RGPD8: variants seen among roughly 807,000 people sequenced by gnomAD.
The protein encoded by RGPD8 is RANBP2-like and GRIP domain-containing protein 8.
RGPD8 carries 15 observed loss-of-function variants against 89.1 expected under a neutral mutation model. The observed-to-expected ratio is 0.17, with a 90% CI of 0.11 to 0.26. RGPD8 has a LOEUF of 0.26. Among genes scored for constraint, RGPD8 ranks in the 10% least tolerant of loss-of-function variants. The probability of loss-of-function intolerance (pLI) is 1.00; values close to 1 mark genes in which losing one functional copy is unlikely to be tolerated. For missense variants in RGPD8, 178 were observed against 1,179.6 expected, an observed-to-expected ratio of 0.15 and a Z score of 12.44; for synonymous variants, 62 against 420.9, an observed-to-expected ratio of 0.15 and a Z score of 10.44.
chr2:112,432,675 G>A (rs1680095463), intron 1 of RGPD8: 1 of 985,200 alleles, frequency 1.0e-6, no homozygotes, highest in Non-Finnish European at 1.2e-6. Flanking sequence ...TACAGCACCC[G>A]GGTGCCCAAG....
intron 7 of RGPD8, among the ~76,000 whole-genome samples, chr2:112,410,285 C>T (rs1298952881): frequency 6.9e-6 from 1 of 145,084 alleles, no homozygotes; most frequent in Non-Finnish European, 1.5e-5. Context: ...GAGACTCCAT[C>T]TCAAAAAAAA....
intron 22 of RGPD8, among the ~76,000 whole-genome samples, chr2:112,377,280 G>GTT (rs1189164529): frequency 1.9e-4 from 10 of 52,454 alleles, no homozygotes; most frequent in Non-Finnish European, 2.6e-4. Context: ...CTACATCATA[G>GTT]TTTTTTTTTT....
chr2:112,389,964 C>T lies in RGPD8; in HGVS notation c.2981G>A (p.Gly994Glu). The change falls in exon 20 of 23, where the codon GGA becomes GAA. Residue 994 changes from glycine to glutamate, a missense_variant. Transcript: ENST00000302558. ...TAATTTTTCTCCAGCACCTGAAAAT[C>T]CCTTGAAATTGAGGTCTTTTTTGCC... ...QFGKKDLNFK[G>E]FSGAGEKLFS... 9 of 1,540,726 alleles carry T rather than the reference C, an allele frequency of 5.8e-6. No individual in the cohort carries two copies. The highest frequency in any genetic ancestry group is 7.9e-6 in the Non-Finnish European group (9 of 1,143,006).
chr2:112,382,062 G>T (rs1678323621), intron 20 of RGPD8, among the ~76,000 whole-genome samples: 1 of 151,632 alleles, frequency 6.6e-6, no homozygotes, highest in South Asian at 2.1e-4. Context: ...ATATAAAGCA[G>T]GCAGAAAAAC....
At chr2:112,370,533 C>G (rs1677936094) in intron 22 of RGPD8, among the ~76,000 whole-genome samples, 1 of 127,766 alleles carries the variant, frequency 7.8e-6, no homozygotes, top group African/African-American at 2.8e-5. Context: ...ACCACCATGC[C>G]TGGGTAATTT....
chr2:112,374,868 T>TC (rs1553501052), intron 22 of RGPD8, among the ~76,000 whole-genome samples: 119 of 33,486 alleles, frequency 3.6e-3, no homozygotes, highest in Middle Eastern at 0.015. Flanking sequence ...CTTTTTTTTT[T>TC]TTTTTTTTTT....
chr2:112,432,646 A>C (rs1023358805), intron 1 of RGPD8: 1 of 985,160 alleles, frequency 1.0e-6, no homozygotes, highest in African/African-American at 1.7e-5. Flanking sequence ...TGTCCAGGAC[A>C]TGGGAAGAAA....
intron 6 of RGPD8, among the ~76,000 whole-genome samples, chr2:112,415,150 G>A (rs1252686776): frequency 8.6e-5 from 13 of 151,148 alleles, no homozygotes; most frequent in African/African-American, 2.5e-4. Context: ...TCGGGAGGCC[G>A]AGGAGGGCAG....
At chr2:112,408,932 A>C (rs1354449887) in intron 7 of RGPD8, among the ~76,000 whole-genome samples, 2 of 151,336 alleles carry the variant, frequency 1.3e-5, no homozygotes, top group Admixed American at 1.3e-4. Context: ...TCAGCCTCCC[A>C]AAGTGCTAAG....
chr2:112,432,270 A>T (rs376027442), intron 1 of RGPD8, among the ~76,000 whole-genome samples: 8 of 152,180 alleles, frequency 5.3e-5, no homozygotes, highest in African/African-American at 7.2e-5. Flanking sequence ...AAAATACCCT[A>T]AAAACACTTG....
intron 22 of RGPD8, among the ~76,000 whole-genome samples, chr2:112,370,858 C>T (rs1450107974): frequency 6.6e-6 from 1 of 151,716 alleles, no homozygotes; most frequent in Non-Finnish European, 1.5e-5. Flanking sequence ...GAAAATTATG[C>T]AGAAATGATT....
chr2:112,429,565 G>T (rs1164430615), intron 1 of RGPD8, among the ~76,000 whole-genome samples: 1 of 152,054 alleles, frequency 6.6e-6, no homozygotes, highest in African/African-American at 2.4e-5. Flanking sequence ...GCTGTCAAAG[G>T]TGCCTGCCTG....
At chr2:112,423,626 C>A (rs1679632205) in intron 2 of RGPD8, among the ~76,000 whole-genome samples, 1 of 142,610 alleles carries the variant, frequency 7.0e-6, no homozygotes, top group Non-Finnish European at 1.5e-5. Flanking sequence ...ATCGCTTGAG[C>A]CCAGAAGGCA....
chr2:112,370,413 C>T (rs1296700260), intron 22 of RGPD8, among the ~76,000 whole-genome samples: 1 of 113,142 alleles, frequency 8.8e-6, no homozygotes, highest in African/African-American at 3.3e-5. Context: ...TGCTCTGTCA[C>T]CCAGGCTCGA....
At chr2:112,410,232 G>T (rs1394514948) in intron 7 of RGPD8, among the ~76,000 whole-genome samples, 1 of 142,748 alleles carries the variant, frequency 7.0e-6, no homozygotes, top group African/African-American at 2.9e-5. Flanking sequence ...AGCTTGCAGT[G>T]AGCCGAGGTC....
chr2:112,415,539 C>A (rs1209717503), intron 6 of RGPD8, among the ~76,000 whole-genome samples: 2 of 150,860 alleles, frequency 1.3e-5, no homozygotes, highest in African/African-American at 4.9e-5. Flanking sequence ...GAGCCTCCCC[C>A]TCTGAGGGCC....
chr2:112,415,985 G>A (rs1297102597), intron 6 of RGPD8, among the ~76,000 whole-genome samples: 1 of 152,234 alleles, frequency 6.6e-6, no homozygotes, highest in Non-Finnish European at 1.5e-5. Context: ...AGCTACTTGG[G>A]AGGCTGAGGC....
At chr2:112,422,853 A>C (rs1679613683) in intron 2 of RGPD8, among the ~76,000 whole-genome samples, 194 bp from the exon 3 acceptor site, 1 of 25,162 alleles carries the variant, frequency 4.0e-5, no homozygotes, top group South Asian at 1.0e-3. Flanking sequence ...ACGTACATAG[A>C]GTTGACCACA....
intron 6 of RGPD8, among the ~76,000 whole-genome samples, chr2:112,413,203 C>T (rs1276392714): frequency 2.1e-5 from 3 of 144,084 alleles, no homozygotes; most frequent in Non-Finnish European, 4.5e-5. Context: ...TCACTGCAAC[C>T]TCCACCTCCC....
Sources: gnomAD v4.1 joint callset for allele counts (sites outside exome capture counted in the v4.1 genomes callset) on GRCh38, gnomAD v4.1.1 for gene constraint, MANE v1.5 for transcripts, NCBI Gene and HGNC (gene_info 2026-07-23, HGNC 2026-07-21) for gene names.